The following CTNNA3 variants were observed in gnomAD, a reference collection of about 807,000 sequenced individuals.
CTNNA3 encodes the protein catenin alpha-3.
CTNNA3 carries 76 observed loss-of-function variants against 95.7 expected under a neutral mutation model. The observed-to-expected ratio is 0.79, with a 90% confidence interval of 0.66 to 0.96. The LOEUF (loss-of-function observed/expected upper bound fraction) is 0.96, where lower values mean the gene tolerates loss of function less well. Ranked by LOEUF, CTNNA3 falls within the 40% of genes least tolerant of loss-of-function variation. The probability of loss-of-function intolerance (pLI) is 0.00; values close to 1 mark genes in which losing one functional copy is unlikely to be tolerated. For missense variants in CTNNA3, 1,191 were observed against 1,089.8 expected (o/e 1.09, Z -1.31); for synonymous variants, 431 against 374.4 (o/e 1.15, Z -1.74).
intron 7 of CTNNA3, among the ~76,000 whole-genome samples, chr10:66,829,442 C>G (rs1453730008): frequency 2.0e-5 from 3 of 151,902 alleles, no homozygotes; most frequent in African/African-American, 7.3e-5. Context: ...AACCCCATCT[C>G]TCTTTACTAA....
At chr10:67,700,543 C>G (rs922340548), upstream of CTNNA3, among the ~76,000 whole-genome samples, 5 of 152,220 alleles carry the variant, frequency 3.3e-5, no homozygotes, top group Admixed American at 6.5e-5. Flanking sequence ...TAGCAAACTC[C>G]AACAGACCTG....
chr10:67,051,995 C>A (rs1400526019), intron 7 of CTNNA3, among the ~76,000 whole-genome samples: 1 of 146,186 alleles, frequency 6.8e-6, no homozygotes, highest in Non-Finnish European at 1.5e-5. Context: ...CCTCAGGTGA[C>A]CCGCCCACCT....
intron 9 of CTNNA3, among the ~76,000 whole-genome samples, chr10:66,672,157 C>T (rs1846684634): frequency 6.6e-6 from 1 of 152,088 alleles, no homozygotes; most frequent in Non-Finnish European, 1.5e-5. Flanking sequence ...GCTCTGTACT[C>T]CTACTGGCTA....
At chr10:67,668,957 G>C (rs1840382277) in intron 1 of CTNNA3, among the ~76,000 whole-genome samples, 1 of 148,074 alleles carries the variant, frequency 6.8e-6, no homozygotes, top group Non-Finnish European at 1.5e-5. Flanking sequence ...TCCTACCTCA[G>C]CCTCCCGAGC....
intron 9 of CTNNA3, among the ~76,000 whole-genome samples, chr10:66,757,820 G>C (rs1023967301): frequency 6.6e-6 from 1 of 152,032 alleles, no homozygotes; most frequent in Non-Finnish European, 1.5e-5. Context: ...ATAGAACTGA[G>C]CTGATATCTA....
chr10:66,781,066 T>C (rs1840517733), intron 7 of CTNNA3, among the ~76,000 whole-genome samples: 1 of 152,176 alleles, frequency 6.6e-6, no homozygotes, highest in Non-Finnish European at 1.5e-5. Context: ...AAGGCCATGA[T>C]GCTCACCCTA....
At chr10:67,110,155 A>T (rs979658190) in intron 7 of CTNNA3, among the ~76,000 whole-genome samples, 1 of 152,218 alleles carries the variant, frequency 6.6e-6, no homozygotes, top group Non-Finnish European at 1.5e-5. Context: ...GTAAAACTGA[A>T]CTCATTAGAC....
At chr10:66,598,974 C>G (rs1034665628) in intron 10 of CTNNA3, among the ~76,000 whole-genome samples, 1 of 151,926 alleles carries the variant, frequency 6.6e-6, no homozygotes, top group Non-Finnish European at 1.5e-5. Context: ...AGAGGCATCA[C>G]ACTCCCTGAT....
chr10:67,216,532 T>C (rs1864370030), intron 6 of CTNNA3, among the ~76,000 whole-genome samples: 1 of 152,212 alleles, frequency 6.6e-6, no homozygotes, highest in African/African-American at 2.4e-5. Flanking sequence ...ATTCATTCAT[T>C]CATGCATTCA....
chr10:65,957,736 A>G (rs1016134350), intron 17 of CTNNA3, among the ~76,000 whole-genome samples: 3 of 152,070 alleles, frequency 2.0e-5, no homozygotes, highest in African/African-American at 7.2e-5. Context: ...TGGCTTGTAG[A>G]GTTTCTGCCG....
At chr10:67,599,975 G>A (rs1238058336) in intron 3 of CTNNA3, among the ~76,000 whole-genome samples, 2 of 152,168 alleles carry the variant, frequency 1.3e-5, no homozygotes, top group East Asian at 3.9e-4. Flanking sequence ...GGACTATTGT[G>A]GCATTGGTGT....
At chr10:67,338,854 T>C (rs1333044307) in intron 5 of CTNNA3, among the ~76,000 whole-genome samples, 3 of 152,198 alleles carry the variant, frequency 2.0e-5, no homozygotes, top group Admixed American at 1.3e-4. Context: ...ATTTCTTTGA[T>C]GATATCTGTA....
At chr10:67,206,145 C>CT (rs1863889763) in intron 6 of CTNNA3, among the ~76,000 whole-genome samples, 1 of 152,150 alleles carries the variant, frequency 6.6e-6, no homozygotes, top group African/African-American at 2.4e-5. Flanking sequence ...TGAACAGAGA[C>CT]AGTTATTCAA....
At chr10:66,818,658 A>T (rs1447035446) in intron 7 of CTNNA3, among the ~76,000 whole-genome samples, 1 of 152,222 alleles carries the variant, frequency 6.6e-6, no homozygotes, top group African/African-American at 2.4e-5. Context: ...TAATATTCTC[A>T]TGATGTCAAC....
At chr10:66,253,667 G>C (rs1026497650) in intron 13 of CTNNA3, among the ~76,000 whole-genome samples, 2 of 152,092 alleles carry the variant, frequency 1.3e-5, no homozygotes, top group African/African-American at 2.4e-5. Context: ...CATTTTTTAG[G>C]TGTTCAAGAT....
chr10:66,507,231 A>T (rs937179677), intron 11 of CTNNA3, among the ~76,000 whole-genome samples: 1 of 152,196 alleles, frequency 6.6e-6, no homozygotes, highest in Non-Finnish European at 1.5e-5. Context: ...TTTACTTGAC[A>T]CATAATAAGT....
chr10:66,508,224 T>TTTTTTTTTTTTTTTTTTTTTTTTTA (rs1840531682), intron 11 of CTNNA3, among the ~76,000 whole-genome samples: 1 of 149,064 alleles, frequency 6.7e-6, no homozygotes, highest in Non-Finnish European at 1.5e-5. Context: ...TTTTTTTTTT[T>TTTTTTTTTTTTTTTTTTTTTTTTTA]AACAATTTCG....
chr10:66,481,058 A>G (rs1011467577), intron 11 of CTNNA3, among the ~76,000 whole-genome samples: 2 of 152,214 alleles, frequency 1.3e-5, no homozygotes, highest in African/African-American at 4.8e-5. Context: ...ATAAAGGAGA[A>G]CACCAAAATT....
intron 17 of CTNNA3, among the ~76,000 whole-genome samples, chr10:65,958,301 G>T (rs1179427935): frequency 2.0e-5 from 3 of 151,978 alleles, no homozygotes; most frequent in Admixed American, 6.6e-5. Flanking sequence ...TTTTTTCAAG[G>T]TTTTTAGCTT....
Sources: gnomAD v4.1 joint callset for allele counts (sites outside exome capture counted in the v4.1 genomes callset) on GRCh38, gnomAD v4.1.1 for gene constraint, MANE v1.5 for transcripts, NCBI Gene and HGNC (gene_info 2026-07-23, HGNC 2026-07-21) for gene names.